PRKG1: variants seen among roughly 807,000 people sequenced by gnomAD.
PRKG1 encodes cGMP-dependent protein kinase 1.
In PRKG1, 35 loss-of-function variants were observed where a neutral mutation model predicts 88.1. That is an observed-to-expected ratio of 0.40 (90% CI 0.30 to 0.53). The LOEUF (loss-of-function observed/expected upper bound fraction) is 0.53. PRKG1 is among the 20% of genes least tolerant of loss of function. PRKG1 has a pLI of 0.59. For synonymous variants in PRKG1, 303 were observed against 292.5 expected (o/e 1.04, Z -0.37); for missense variants, 540 against 839.8 (o/e 0.64, Z 4.41).
At chr10:51,200,299 G>A (rs1837881472) in intron 2 of PRKG1, among the ~76,000 whole-genome samples, 1 of 152,194 alleles carries the variant, frequency 6.6e-6, no homozygotes, top group African/African-American at 2.4e-5. Flanking sequence ...AAACTAGTGT[G>A]TATCTTTTCT....
chr10:51,936,329 T>C (rs1842799677), intron 5 of PRKG1, among the ~76,000 whole-genome samples: 1 of 152,098 alleles, frequency 6.6e-6, no homozygotes, highest in African/African-American at 2.4e-5. Flanking sequence ...CTGGAACATT[T>C]ATTTCTCAAT....
rs1554831108 is a variant in PRKG1 at position 51,034,668 on chromosome 10, TTATATATATATA to T, written c.266+43052_266+43063del. On this transcript the variant is annotated intron_variant, in intron 1 of 17. Coordinates refer to the PRKG1 transcript ENST00000401604. Reference sequence around the variant, plus strand: ...AGCAAAATTATATATAATATGTTATTTATATATATATATATATATATATATATATATATATAT... The same window carrying T: ...AGCAAAATTATATATAATATGTTATTTATATATATATATATATATATATAT... Among the ~76,000 whole-genome samples, 65 of 68,188 alleles carry T rather than the reference TTATATATATATA, an allele frequency of 9.5e-4. 2 individuals are homozygous for T. The highest frequency in any genetic ancestry group is 3.2e-3 in the African/African-American group (59 of 18,420). The allele number at this position is 68,188 out of a possible 152,430, so 44.7% of individuals were successfully genotyped here. A position where few individuals can be genotyped will look rare whatever the true frequency, so the allele number is the denominator to read the frequency against.
chr10:51,051,567 G>T (rs536877391), intron 1 of PRKG1, among the ~76,000 whole-genome samples: 1 of 152,148 alleles, frequency 6.6e-6, no homozygotes, highest in South Asian at 2.1e-4. Context: ...CTTCTCCAAA[G>T]TAATTCCTAC....
intron 9 of PRKG1, among the ~76,000 whole-genome samples, chr10:52,183,935 C>T (rs562331057): frequency 6.6e-6 from 1 of 152,274 alleles, no homozygotes; most frequent in African/African-American, 2.4e-5. Context: ...TACCTTTTCC[C>T]TACAGGGGGA....
At chr10:52,105,570 G>A (rs781431568) in intron 7 of PRKG1, among the ~76,000 whole-genome samples, 13 of 152,022 alleles carry the variant, frequency 8.6e-5, no homozygotes, top group Non-Finnish European at 1.8e-4. Context: ...GAAATCTTTC[G>A]GAGAAGTGAA....
At chr10:52,086,258 T>C (rs1846910998) in intron 7 of PRKG1, among the ~76,000 whole-genome samples, 1 of 152,144 alleles carries the variant, frequency 6.6e-6, no homozygotes, top group South Asian at 2.1e-4. Flanking sequence ...CTTATCTTTA[T>C]CTTTCTTGTA....
At chr10:52,165,339 ACT>A (rs1838405597) in intron 9 of PRKG1, among the ~76,000 whole-genome samples, 1 of 152,038 alleles carries the variant, frequency 6.6e-6, no homozygotes, top group Non-Finnish European at 1.5e-5. Context: ...CAAGTTTAAA[ACT>A]CTATTTGAAT....
chr10:51,111,440 TGGA>T (rs1436802115), intron 1 of PRKG1, among the ~76,000 whole-genome samples: 1 of 152,082 alleles, frequency 6.6e-6, no homozygotes, highest in South Asian at 2.1e-4. Context: ...TGTTGATTTT[TGGA>T]GGAGATTACT....
chr10:51,258,951 A>G (rs1030658239), intron 2 of PRKG1, among the ~76,000 whole-genome samples: 1 of 152,150 alleles, frequency 6.6e-6, no homozygotes, highest in Admixed American at 6.5e-5. Context: ...CACGTTCAAT[A>G]TTTTACTTTT....
chr10:51,467,848 T>G lies in PRKG1; in HGVS notation c.592+12T>G. The G allele has an allele frequency of 1.3e-6, 2 of 1,591,072 alleles. No homozygotes were observed. The highest frequency in any genetic ancestry group is 1.7e-6 in the Non-Finnish European group (2 of 1,159,378). On this transcript the variant is annotated intron_variant, in intron 3 of 17. Coordinates refer to ENST00000373980, the MANE Select transcript of PRKG1 (RefSeq NM_006258.4). ...AGCGACCGTCAAGAGTAAGACTATT[T>G]TCATATTTTTAAAATATTTTCAATG...
At chr10:51,243,003 C>T (rs1839194055) in intron 2 of PRKG1, among the ~76,000 whole-genome samples, 1 of 152,110 alleles carries the variant, frequency 6.6e-6, no homozygotes, top group Non-Finnish European at 1.5e-5. Context: ...GTGAATGTTT[C>T]ACTAGGTCTT....
At chr10:51,576,404 T>C (rs1044637759) in intron 3 of PRKG1, among the ~76,000 whole-genome samples, 2 of 152,000 alleles carry the variant, frequency 1.3e-5, no homozygotes, top group African/African-American at 2.4e-5. Flanking sequence ...TATAAAAGGA[T>C]TGATATACAT....
chr10:51,427,648 C>A (rs1307189552), intron 2 of PRKG1, among the ~76,000 whole-genome samples: 1 of 152,200 alleles, frequency 6.6e-6, no homozygotes, highest in Non-Finnish European at 1.5e-5. Context: ...GCAAGAGCTG[C>A]ATCCTTTTAG....
At chr10:51,979,007 G>A (rs948583410) in intron 5 of PRKG1, among the ~76,000 whole-genome samples, 2 of 152,068 alleles carry the variant, frequency 1.3e-5, no homozygotes, top group African/African-American at 4.8e-5. Context: ...TTGAATTGGA[G>A]TGGTGAGAGA....
At chr10:52,176,194 T>G (rs1838862685) in intron 9 of PRKG1, among the ~76,000 whole-genome samples, 1 of 129,018 alleles carries the variant, frequency 7.8e-6, no homozygotes, top group Non-Finnish European at 1.7e-5. Flanking sequence ...TTTTTTTTTT[T>G]GTAGGGTGAG....
At chr10:51,453,519 T>C (rs1839497825) in intron 2 of PRKG1, among the ~76,000 whole-genome samples, 2 of 152,048 alleles carry the variant, frequency 1.3e-5, no homozygotes, top group Non-Finnish European at 2.9e-5. Flanking sequence ...TGTACTATTA[T>C]CATTCAGTTC....
intron 3 of PRKG1, among the ~76,000 whole-genome samples, chr10:51,716,677 A>T (rs1011020885): frequency 2.0e-5 from 3 of 152,118 alleles, no homozygotes; most frequent in Non-Finnish European, 4.4e-5. Context: ...AATGTAGGGC[A>T]GTTTTGTTAA....
intron 7 of PRKG1, among the ~76,000 whole-genome samples, chr10:52,129,642 T>A (rs1837202722): frequency 6.6e-6 from 1 of 152,182 alleles, no homozygotes; most frequent in Admixed American, 6.5e-5. Context: ...TTGAATGAGC[T>A]TGGCGATGAA....
At chr10:52,255,761 G>A (rs1012651362) in intron 10 of PRKG1, among the ~76,000 whole-genome samples, 2 of 152,056 alleles carry the variant, frequency 1.3e-5, no homozygotes, top group African/African-American at 4.8e-5. Flanking sequence ...TTCTGAGGCA[G>A]AGGGAGAGTT....
Sources: gnomAD v4.1 joint callset for allele counts (sites outside exome capture counted in the v4.1 genomes callset) on GRCh38, gnomAD v4.1.1 for gene constraint, MANE v1.5 for transcripts, NCBI Gene and HGNC (gene_info 2026-07-23, HGNC 2026-07-21) for gene names.